The following SLC16A2 variants were observed in gnomAD, a reference collection of about 807,000 sequenced individuals.
SLC16A2 encodes solute carrier family 16 member 2.
SLC16A2 carries 3 observed loss-of-function variants against 27.2 expected under a neutral mutation model. That is an observed-to-expected ratio of 0.11 (90% CI 0.05 to 0.28). The LOEUF (loss-of-function observed/expected upper bound fraction) is 0.28, where lower values mean the gene tolerates loss of function less well. SLC16A2 is among the 10% of genes least tolerant of loss of function. The probability of loss-of-function intolerance (pLI) is 1.00; values close to 1 mark genes in which losing one functional copy is unlikely to be tolerated. For missense variants in SLC16A2, 295 were observed against 458.5 expected (o/e 0.64, Z 3.26); for synonymous variants, 202 against 187.8 (o/e 1.08, Z -0.62).
chrX:74,450,622 G>A (rs1411366973), intron 1 of SLC16A2, among the ~76,000 whole-genome samples: 1 of 111,653 alleles, frequency 9.0e-6, no homozygotes, highest in Non-Finnish European at 1.9e-5. Context: ...TATAACTTGG[G>A]GTTTTGGACC....
chrX:74,492,729 T>A (rs1338057227), intron 1 of SLC16A2, among the ~76,000 whole-genome samples: 2 of 111,470 alleles, frequency 1.8e-5, no homozygotes, highest in Non-Finnish European at 1.9e-5. Context: ...ACCTGGTGCA[T>A]GTTCACTCTC....
At chrX:74,425,479 C>G (rs1928387223) in intron 1 of SLC16A2, among the ~76,000 whole-genome samples, 1 of 110,757 alleles carries the variant, frequency 9.0e-6, no homozygotes, top group African/African-American at 3.3e-5. Context: ...GTATTTCTTG[C>G]CAAGATCATG....
At chrX:74,451,806 T>C (rs774401527) in intron 1 of SLC16A2, among the ~76,000 whole-genome samples, 7 of 113,286 alleles carry the variant, frequency 6.2e-5, no homozygotes, top group African/African-American at 2.2e-4. Context: ...TATAGAAGAA[T>C]GTGACAGCAA....
intron 1 of SLC16A2, among the ~76,000 whole-genome samples, chrX:74,438,733 G>A (rs1928670692): frequency 9.0e-6 from 1 of 111,545 alleles, no homozygotes; most frequent in Non-Finnish European, 1.9e-5. Context: ...TCTGACAAAG[G>A]CCCTGTTTGT....
At chrX:74,434,816 G>GTTT (rs1210272092) in intron 1 of SLC16A2, among the ~76,000 whole-genome samples, 15 of 89,234 alleles carry the variant, frequency 1.7e-4, no homozygotes, top group African/African-American at 6.3e-4. Flanking sequence ...ATCTTAGTTT[G>GTTT]TTTTTTTTTT....
intron 1 of SLC16A2, among the ~76,000 whole-genome samples, chrX:74,435,541 A>ATGTGTG: frequency 1.3e-5 from 1 of 79,310 alleles, no homozygotes; most frequent in South Asian, 6.5e-4. Context: ...ATATATGTAT[A>ATGTGTG]TATATATATA....
At chrX:74,431,553 A>T (rs1393236356) in intron 1 of SLC16A2, among the ~76,000 whole-genome samples, 1 of 111,757 alleles carries the variant, frequency 8.9e-6, no homozygotes, top group Admixed American at 9.5e-5. Context: ...GGATCATCGT[A>T]CACCAAACCT....
At chrX:74,515,121 C>CA (rs1465935173) in intron 1 of SLC16A2, among the ~76,000 whole-genome samples, 4 of 111,249 alleles carry the variant, frequency 3.6e-5, no homozygotes, top group Non-Finnish European at 7.6e-5. Context: ...AAGCAGCCAA[C>CA]AAAAAATGCT....
intron 1 of SLC16A2, among the ~76,000 whole-genome samples, chrX:74,514,852 A>G (rs1177380109): frequency 8.9e-6 from 1 of 112,249 alleles, no homozygotes; most frequent in East Asian, 2.8e-4. Context: ...TGTCAATAGA[A>G]GCTAAGCAGG....
rs144110623 is a variant in SLC16A2 at position 74,492,491 on chromosome X, A to G, written c.431-28499A>G. ...GGACCCTTGGGAGACCATTGACCCT[A>G]AAATTCATTGATCCTCTGTGTTTGG... On this transcript the variant is annotated intron_variant, in intron 1 of 5. Transcript: ENST00000587091. 4.5e-5 allele frequency among the ~76,000 whole-genome samples: 5 copies of G among 110,748 alleles called. No individual in the cohort carries two copies. The East Asian group carries it at 1.4e-3, about 32-fold the overall frequency.
intron 1 of SLC16A2, among the ~76,000 whole-genome samples, chrX:74,471,209 G>A (rs1929350152): frequency 9.0e-6 from 1 of 111,684 alleles, no homozygotes; most frequent in Non-Finnish European, 1.9e-5. Flanking sequence ...TTATCTTCTA[G>A]GAATTTTAGA....
chrX:74,496,861 G>A (rs1411928794), intron 1 of SLC16A2, among the ~76,000 whole-genome samples: 4 of 112,036 alleles, frequency 3.6e-5, no homozygotes, highest in East Asian at 2.8e-4. Context: ...GCTCTCCTCC[G>A]AGTGTCCCAG....
At chrX:74,434,811 AGTTT>A (rs1360163064) in intron 1 of SLC16A2, among the ~76,000 whole-genome samples, 1 of 100,852 alleles carries the variant, frequency 9.9e-6, no homozygotes, top group Non-Finnish European at 2.0e-5. Context: ...TTTACATCTT[AGTTT>A]GTTTTTTTTT....
At chrX:74,469,234 C>T (rs1302156318) in intron 1 of SLC16A2, among the ~76,000 whole-genome samples, 15 of 111,630 alleles carry the variant, frequency 1.3e-4, no homozygotes, top group East Asian at 2.8e-4. Context: ...TTGATGGGTA[C>T]TTAGGTTGAT....
At chrX:74,439,856 A>G (rs776239023) in intron 1 of SLC16A2, among the ~76,000 whole-genome samples, 1 of 110,971 alleles carries the variant, frequency 9.0e-6, no homozygotes, top group African/African-American at 3.3e-5. Context: ...TAGTTGGGGA[A>G]TTAAATGAGG....
intron 1 of SLC16A2, among the ~76,000 whole-genome samples, chrX:74,449,153 T>C (rs1928892327): frequency 8.9e-6 from 1 of 111,797 alleles, no homozygotes; most frequent in African/African-American, 3.2e-5. Context: ...GGGAGGGAAG[T>C]ATGAATGAAG....
intron 3 of SLC16A2, 108 bp downstream of exon 3, chrX:74,524,917 G>A: frequency 1.4e-6 from 1 of 700,632 alleles, no homozygotes; most frequent in South Asian, 2.3e-5. Context: ...GCAGAGCTGG[G>A]ACCTTTGGGA....
chrX:74,488,125 C>T (rs1308529278), intron 1 of SLC16A2, among the ~76,000 whole-genome samples: 1 of 111,533 alleles, frequency 9.0e-6, no homozygotes, highest in Non-Finnish European at 1.9e-5. Flanking sequence ...GAGCTAGCCT[C>T]TACCAGTCTA....
At chrX:74,427,841 A>ACC (rs1555980172) in intron 1 of SLC16A2, among the ~76,000 whole-genome samples, 5 of 106,533 alleles carry the variant, frequency 4.7e-5, no homozygotes, top group Middle Eastern at 4.8e-3. Flanking sequence ...ACACACACAC[A>ACC]CCCATACCCT....
Sources: gnomAD v4.1 joint callset for allele counts (sites outside exome capture counted in the v4.1 genomes callset) on GRCh38, gnomAD v4.1.1 for gene constraint, MANE v1.5 for transcripts, NCBI Gene and HGNC (gene_info 2026-07-23, HGNC 2026-07-21) for gene names.